NPAS3: variants seen among roughly 807,000 people sequenced by gnomAD.
NPAS3 encodes neuronal PAS domain protein 3, also known as neuronal PAS domain-containing protein 3.
A neutral mutation model predicts 73.1 loss-of-function variants in NPAS3; 14 were observed. The ratio of observed to expected loss-of-function variants is 0.19; its 90% CI spans 0.13 to 0.30. NPAS3 has a LOEUF of 0.30. NPAS3 is among the 10% of genes least tolerant of loss of function. NPAS3 has a pLI of 1.00. For missense variants in NPAS3, 1,096 were observed against 1,250.0 expected (o/e 0.88, Z 1.86); for synonymous variants, 620 against 541.5 (o/e 1.14, Z -2.01).
At chr14:33,284,764 A>ATATCTATATC (rs1201173971) in intron 3 of NPAS3, among the ~76,000 whole-genome samples, 23 of 148,792 alleles carry the variant, frequency 1.5e-4, no homozygotes, top group African/African-American at 4.5e-4. Flanking sequence ...ATCTATATCT[A>ATATCTATATC]TATCTATCTA....
intron 1 of NPAS3, among the ~76,000 whole-genome samples, chr14:33,045,757 T>G (rs1164550619): frequency 1.3e-5 from 2 of 152,222 alleles, no homozygotes; most frequent in Non-Finnish European, 2.9e-5. Context: ...ACAAAGATCC[T>G]CTGATTAGTT....
At chr14:33,208,065 C>A (rs1020523797) in intron 2 of NPAS3, among the ~76,000 whole-genome samples, 5 of 150,838 alleles carry the variant, frequency 3.3e-5, no homozygotes, top group Non-Finnish European at 2.9e-5. Context: ...AGGTAAAGTG[C>A]AATTTATTGG....
chr14:33,568,853 C>T (rs973414549), intron 5 of NPAS3, among the ~76,000 whole-genome samples: 12 of 152,156 alleles, frequency 7.9e-5, no homozygotes, highest in Non-Finnish European at 1.5e-4. Context: ...AACAAATGCC[C>T]TATGGCTTTT....
intron 1 of NPAS3, among the ~76,000 whole-genome samples, chr14:32,942,767 T>C (rs1035779633): frequency 2.0e-5 from 3 of 152,220 alleles, no homozygotes; most frequent in African/African-American, 7.2e-5. Flanking sequence ...ATTATATGCA[T>C]TGTCTAACAC....
intron 1 of NPAS3, among the ~76,000 whole-genome samples, chr14:32,996,617 T>C (rs962481357): frequency 1.3e-5 from 2 of 148,218 alleles, no homozygotes; most frequent in Non-Finnish European, 3.0e-5. Context: ...GCTCAGGCCA[T>C]GGCTTCAGAG....
chr14:33,586,448 C>A (rs2056865386), intron 5 of NPAS3, among the ~76,000 whole-genome samples: 1 of 151,864 alleles, frequency 6.6e-6, no homozygotes, highest in African/African-American at 2.4e-5. Context: ...CTGAAAGATA[C>A]TGTTGAATAA....
intron 2 of NPAS3, among the ~76,000 whole-genome samples, chr14:33,176,226 C>T (rs2045585016): frequency 1.3e-5 from 2 of 152,146 alleles, no homozygotes; most frequent in Non-Finnish European, 2.9e-5. Flanking sequence ...GGTAAAGATA[C>T]ATAACATAAA....
At chr14:32,938,469 G>GAGAGAGAA, upstream of NPAS3, among the ~76,000 whole-genome samples, 3 of 124,566 alleles carry the variant, frequency 2.4e-5, no homozygotes, top group Non-Finnish European at 5.2e-5. Context: ...GAGAGAGAGA[G>GAGAGAGAA]AGAGAGAGAG....
chr14:32,935,139 A>G, upstream of NPAS3: 1 of 329,266 alleles, frequency 3.0e-6, no homozygotes, highest in Non-Finnish European at 4.7e-6. Flanking sequence ...CTCGTTCTAC[A>G]GATGAGGAAG....
chr14:33,274,078 G>A (rs903489623), intron 3 of NPAS3, among the ~76,000 whole-genome samples: 1 of 152,288 alleles, frequency 6.6e-6, no homozygotes, highest in Non-Finnish European at 1.5e-5. Context: ...GGCATGGCCA[G>A]AGAGGATTTA....
intron 3 of NPAS3, among the ~76,000 whole-genome samples, chr14:33,293,115 T>C (rs2042164609): frequency 6.6e-6 from 1 of 152,214 alleles, no homozygotes; most frequent in Non-Finnish European, 1.5e-5. Flanking sequence ...CCACCTGTAC[T>C]ACACTATGTC....
chr14:33,310,303 G>GA (rs74705134), intron 3 of NPAS3, among the ~76,000 whole-genome samples: 21 of 147,876 alleles, frequency 1.4e-4, no homozygotes, highest in South Asian at 2.1e-4. Context: ...CATAGCATCT[G>GA]AAAAAAAAAA....
At chr14:33,526,556 T>G (rs2053809509) in intron 4 of NPAS3, among the ~76,000 whole-genome samples, 1 of 151,746 alleles carries the variant, frequency 6.6e-6, no homozygotes, top group Non-Finnish European at 1.5e-5. Context: ...AACAGCTTGT[T>G]AGTCATGGGG....
At chr14:33,799,266 C>CA (rs1444171470) in intron 11 of NPAS3, among the ~76,000 whole-genome samples, 1 of 152,166 alleles carries the variant, frequency 6.6e-6, no homozygotes, top group Non-Finnish European at 1.5e-5. Context: ...AACAAATATT[C>CA]ACCAAGGGAA....
intron 3 of NPAS3, among the ~76,000 whole-genome samples, chr14:33,315,184 G>T (rs1378595512): frequency 1.3e-5 from 2 of 152,064 alleles, no homozygotes; most frequent in Non-Finnish European, 2.9e-5. Context: ...AGCCACGCTG[G>T]TGGGTTGTCT....
intron 5 of NPAS3, among the ~76,000 whole-genome samples, chr14:33,595,434 T>G (rs1266663781): frequency 6.6e-6 from 1 of 152,158 alleles, no homozygotes; most frequent in African/African-American, 2.4e-5. Flanking sequence ...TCTTCTTAAA[T>G]TATATATTAA....
At chr14:33,275,945 T>G (rs2041309434) in intron 3 of NPAS3, among the ~76,000 whole-genome samples, 1 of 152,172 alleles carries the variant, frequency 6.6e-6, no homozygotes, top group Admixed American at 6.5e-5. Context: ...CACAATAAAG[T>G]TATTCACATA....
At chr14:33,587,621 AG>A (rs1156974740) in intron 5 of NPAS3, among the ~76,000 whole-genome samples, 3 of 152,200 alleles carry the variant, frequency 2.0e-5, no homozygotes, top group Non-Finnish European at 4.4e-5. Context: ...AGGCCATCAA[AG>A]AAACTCTGGT....
At chr14:33,336,136 T>A (rs549783438) in intron 3 of NPAS3, among the ~76,000 whole-genome samples, 1 of 152,378 alleles carries the variant, frequency 6.6e-6, no homozygotes, top group South Asian at 2.1e-4. Flanking sequence ...TATCTCATTA[T>A]GGTTTTAATT....
Sources: gnomAD v4.1 joint callset for allele counts (sites outside exome capture counted in the v4.1 genomes callset) on GRCh38, gnomAD v4.1.1 for gene constraint, MANE v1.5 for transcripts, NCBI Gene and HGNC (gene_info 2026-07-23, HGNC 2026-07-21) for gene names.